DNAH8: variants seen among roughly 807,000 people sequenced by gnomAD.
DNAH8 encodes dynein axonemal heavy chain 8.
In DNAH8, 382 loss-of-function variants were observed where a neutral mutation model predicts 562.1. The ratio of observed to expected loss-of-function variants is 0.68; its 90% CI spans 0.63 to 0.74. The LOEUF is 0.74. DNAH8 is among the 30% of genes least tolerant of loss of function. The pLI is 0.00. For synonymous variants in DNAH8, 1,881 were observed against 1,919.4 expected (o/e 0.98, Z 0.52); for missense variants, 5,203 against 5,620.4 (o/e 0.93, Z 2.37).
chr6:38,872,689 C>T lies in DNAH8; in HGVS notation c.7144C>T (p.Pro2382Ser), dbSNP rs1777561903. 1.2e-6 allele frequency: 2 copies of T among 1,613,982 alleles called. No individual in the cohort carries two copies. The highest frequency in any genetic ancestry group is 1.7e-6 in the Non-Finnish European group (2 of 1,179,992). ...MRMNPKAITAPQMFGRLDTAT... is the reference protein window; with the variant it reads ...MRMNPKAITASQMFGRLDTAT... ...AATGAATCCAAAAGCCATTACTGCA[C>T]CTCAGATGTTTGGCAGACTGGACAC... The change falls in exon 50 of 93, where the codon CCT becomes TCT. Residue 2382 changes from proline to serine, a missense_variant. By Grantham distance (74) the Pro-to-Ser change is moderately conservative. Around this residue, in one of 6 missense-constraint regions of DNAH8, gnomAD observed 2,176 missense variants for 2,365.1 expected, o/e 0.92. Transcript: ENST00000327475.
intron 88 of DNAH8, among the ~76,000 whole-genome samples, chr6:38,991,915 GTCC>G (rs1385788054): frequency 6.6e-6 from 1 of 151,694 alleles, no homozygotes; most frequent in Non-Finnish European, 1.5e-5. Flanking sequence ...CCAAGACCTT[GTCC>G]TCCTGACCTG....
chr6:38,727,956 G>C (rs528428504), intron 3 of DNAH8, among the ~76,000 whole-genome samples: 1 of 152,050 alleles, frequency 6.6e-6, no homozygotes, highest in African/African-American at 2.4e-5. Context: ...GTGTGTTTTG[G>C]GTCCTTAAGT....
At chr6:38,937,884 T>A in intron 77 of DNAH8, 90 bp from the exon 78 acceptor site, 3 of 1,459,766 alleles carry the variant, frequency 2.1e-6, no homozygotes, top group Non-Finnish European at 2.8e-6. Context: ...AGTTGAAAGC[T>A]AACAGCGTTT....
chr6:38,991,092 C>T (rs1471426022), intron 88 of DNAH8, among the ~76,000 whole-genome samples: 2 of 152,320 alleles, frequency 1.3e-5, no homozygotes, highest in African/African-American at 2.4e-5. Flanking sequence ...ATTTCCCTGG[C>T]CTTGCCAGAT....
intron 1 of DNAH8, among the ~76,000 whole-genome samples, chr6:38,718,126 T>C (rs1381017648): frequency 1.3e-5 from 2 of 152,138 alleles, no homozygotes; most frequent in African/African-American, 2.4e-5. Context: ...ACAGAACAAT[T>C]AGTGGGCCCT....
chr6:38,927,371 CT>C (rs1485345832), intron 74 of DNAH8, among the ~76,000 whole-genome samples: 1 of 152,162 alleles, frequency 6.6e-6, no homozygotes. Flanking sequence ...TAGCCCAGTG[CT>C]GGGAAGCACA....
chr6:38,766,139 A>ATGTGTGTGTGTGCGTGTGTG (rs1554203810), intron 11 of DNAH8, among the ~76,000 whole-genome samples: 1 of 150,892 alleles, frequency 6.6e-6, no homozygotes, highest in Admixed American at 6.6e-5. Flanking sequence ...ATGTGTTTGT[A>ATGTGTGTGTGTGCGTGTGTG]TGTGTGTGTG....
At chr6:38,907,280 G>A (rs921439733) in intron 63 of DNAH8, among the ~76,000 whole-genome samples, 8 of 152,192 alleles carry the variant, frequency 5.3e-5, no homozygotes, top group African/African-American at 1.9e-4. Context: ...AGTAACATAT[G>A]CACTGTTTCC....
At chr6:38,876,738 CCAGA>C (rs1258838426) in intron 53 of DNAH8, among the ~76,000 whole-genome samples, 1 of 152,162 alleles carries the variant, frequency 6.6e-6, no homozygotes, top group Non-Finnish European at 1.5e-5. Context: ...AGCCCTGCTG[CCAGA>C]CAATCGGCCT....
Position 38,797,176 on chromosome 6 carries a change from T to C in DNAH8, c.2901+5502T>C, listed in dbSNP as rs1184802372. Among the ~76,000 whole-genome samples the C allele has an allele frequency of 3.3e-5, 5 of 152,174 alleles. No individual in the cohort carries two copies. In the East Asian group the frequency reaches 9.7e-4, roughly 29 times the overall value. ...TGGGAGGCCAAGGCAGGTGGATCAC[T>C]TGAGCTTAGGAGTTTGACTCCAGCC... is the stretch of plus-strand genomic sequence containing the variant. On this transcript the variant is annotated intron_variant, in intron 21 of 92. Transcript: ENST00000327475.
chr6:38,760,660 G>A (rs544888310), intron 10 of DNAH8, among the ~76,000 whole-genome samples: 1 of 152,276 alleles, frequency 6.6e-6, no homozygotes, highest in East Asian at 1.9e-4. Flanking sequence ...CTGGCAGGAA[G>A]TGTCTGGGCC....
intron 52 of DNAH8, among the ~76,000 whole-genome samples, chr6:38,874,665 A>C (rs1346653164): frequency 1.3e-5 from 2 of 152,000 alleles, no homozygotes; most frequent in Non-Finnish European, 2.9e-5. Context: ...CACCATGCCC[A>C]GCCAGCATTC....
At chr6:39,000,505 G>T (rs9380820) in intron 88 of DNAH8, among the ~76,000 whole-genome samples, 20,186 of 152,086 alleles carry the variant, frequency 0.13, 1,604 homozygotes, top group East Asian at 0.35. Flanking sequence ...GATCAGTGGC[G>T]GCATTAGATT....
chr6:38,926,288 A>G (rs1374024763), intron 74 of DNAH8, 78 bp downstream of exon 74: 3 of 1,492,316 alleles, frequency 2.0e-6, no homozygotes, highest in Non-Finnish European at 2.7e-6. Context: ...ATCTGCAGTC[A>G]TAAAGTTGTC....
intron 89 of DNAH8, among the ~76,000 whole-genome samples, chr6:39,011,695 G>A (rs932667113): frequency 8.5e-5 from 13 of 152,180 alleles, no homozygotes; most frequent in African/African-American, 3.1e-4. Context: ...TTCATTGATT[G>A]GATTAGGAAA....
chr6:38,733,328 A>G (rs1193385616), intron 4 of DNAH8, among the ~76,000 whole-genome samples: 1 of 152,240 alleles, frequency 6.6e-6, no homozygotes, highest in Non-Finnish European at 1.5e-5. Context: ...ATTAAAAAAG[A>G]TTGATAATTA....
At chr6:39,023,737 G>A (rs1319430483) in intron 91 of DNAH8, among the ~76,000 whole-genome samples, 1 of 152,204 alleles carries the variant, frequency 6.6e-6, no homozygotes, top group African/African-American at 2.4e-5. Context: ...CAAGGATCAT[G>A]CTGTCTTTAG....
intron 91 of DNAH8, 77 bp downstream of exon 91, chr6:39,012,714 C>A: frequency 2.7e-6 from 3 of 1,121,972 alleles, no homozygotes; most frequent in South Asian, 2.7e-5. Context: ...TAAATATATA[C>A]CATATAAAAC....
intron 1 of DNAH8, among the ~76,000 whole-genome samples, chr6:38,717,569 G>C (rs964104511): frequency 4.0e-5 from 6 of 151,000 alleles, no homozygotes. Context: ...GAGCTCAGGA[G>C]TTTGTATGTT....
Sources: allele counts gnomAD v4.1 joint callset (sites outside exome capture counted in the v4.1 genomes callset), GRCh38; gene constraint gnomAD v4.1.1; regional missense constraint gnomAD v4.1.1; transcripts MANE v1.5; gene names NCBI Gene and HGNC (gene_info 2026-07-23, HGNC 2026-07-21).